NLGN1: variants seen among roughly 807,000 people sequenced by gnomAD.
The protein encoded by NLGN1 is neuroligin-1.
NLGN1 carries 12 observed loss-of-function variants against 65.5 expected under a neutral mutation model. The ratio of observed to expected loss-of-function variants is 0.18; its 90% CI spans 0.12 to 0.30. NLGN1 has a LOEUF of 0.30. NLGN1 is among the 10% of genes least tolerant of loss of function. The pLI, the probability that NLGN1 is intolerant of heterozygous loss-of-function variation, is 1.00. For missense variants in NLGN1, 750 were observed against 1,007.1 expected (o/e 0.74, Z 3.46); for synonymous variants, 350 against 359.5 (o/e 0.97, Z 0.30).
chr3:173,991,794 G>GTTGT (rs1305003290), intron 4 of NLGN1, among the ~76,000 whole-genome samples: 2 of 151,842 alleles, frequency 1.3e-5, no homozygotes, highest in African/African-American at 4.8e-5. Flanking sequence ...GAGAACTTGT[G>GTTGT]TTTTTTTGTT....
intron 4 of NLGN1, among the ~76,000 whole-genome samples, chr3:174,054,217 T>A (rs1462377570): frequency 6.6e-6 from 1 of 152,066 alleles, no homozygotes; most frequent in East Asian, 1.9e-4. Context: ...AGTATCTAGC[T>A]TGGAGCTCTG....
At chr3:173,920,957 CAA>C (rs1179288528) in intron 4 of NLGN1, among the ~76,000 whole-genome samples, 3 of 151,792 alleles carry the variant, frequency 2.0e-5, no homozygotes, top group Non-Finnish European at 2.9e-5. Flanking sequence ...TCAAGGAACA[CAA>C]TATAAACAAC....
chr3:173,919,087 C>T lies in NLGN1; in HGVS notation c.646+111255C>T, dbSNP rs1221427810. Reference sequence around the variant, plus strand: ...CCTCTCTCCTTTTCTTACAAGGACTCCTGTGATTATATTGAGTCCACTTGG... The same window carrying T: ...CCTCTCTCCTTTTCTTACAAGGACTTCTGTGATTATATTGAGTCCACTTGG... On this transcript the variant is annotated intron_variant, in intron 4 of 6. Transcript: ENST00000457714. 2.6e-5 allele frequency among the ~76,000 whole-genome samples: 4 copies of T among 152,130 alleles called. No homozygotes were observed. In the South Asian group the frequency reaches 8.3e-4, roughly 32 times the overall value.
chr3:173,901,548 A>G (rs1376050583), intron 4 of NLGN1, among the ~76,000 whole-genome samples: 1 of 151,964 alleles, frequency 6.6e-6, no homozygotes, highest in Non-Finnish European at 1.5e-5. Flanking sequence ...CATATTCTGT[A>G]TGTAAGACTT....
At chr3:173,737,224 T>C (rs1469824261) in intron 3 of NLGN1, among the ~76,000 whole-genome samples, 1 of 82,872 alleles carries the variant, frequency 1.2e-5, no homozygotes, top group African/African-American at 4.9e-5. Context: ...ATATAAAGCC[T>C]CCTCACTAAG....
chr3:174,193,680 C>A (rs541624533), intron 4 of NLGN1, among the ~76,000 whole-genome samples: 1 of 152,168 alleles, frequency 6.6e-6, no homozygotes, highest in Admixed American at 6.5e-5. Context: ...TGCAGATGGC[C>A]ATATGGGAAA....
intron 4 of NLGN1, among the ~76,000 whole-genome samples, chr3:173,901,379 G>A (rs1737353821): frequency 6.7e-6 from 1 of 149,152 alleles, no homozygotes; most frequent in Admixed American, 6.9e-5. Context: ...GGGTGTGTGT[G>A]TGTGTGTTTA....
rs923812962 is a variant in NLGN1 at position 173,418,886 on chromosome 3, A to G, written c.-389-16124A>G. On this transcript the variant is annotated intron_variant, in intron 1 of 6. Coordinates refer to ENST00000457714, the Ensembl canonical transcript of NLGN1. ...TAAGGATCTAAACCAAACTTGTCCA[A>G]CTCACAGGCCCTGGGCCACATGGGG... is the stretch of plus-strand genomic sequence containing the variant. 5.3e-5 allele frequency among the ~76,000 whole-genome samples: 8 copies of G among 151,302 alleles called. 1 individual carries two copies. Among genetic ancestry groups the G allele is most frequent in the Non-Finnish European group, 1.2e-4 (8 of 67,874 alleles).
At chr3:173,552,881 A>G (rs940256726) in intron 2 of NLGN1, among the ~76,000 whole-genome samples, 1 of 152,200 alleles carries the variant, frequency 6.6e-6, no homozygotes, top group African/African-American at 2.4e-5. Context: ...AAAACATGCT[A>G]TATTTTTGAA....
intron 4 of NLGN1, among the ~76,000 whole-genome samples, chr3:173,964,895 T>C (rs1189269737): frequency 6.6e-6 from 1 of 152,196 alleles, no homozygotes; most frequent in African/African-American, 2.4e-5. Flanking sequence ...CATGGATCAG[T>C]AAGGAGATCT....
intron 1 of NLGN1, among the ~76,000 whole-genome samples, chr3:173,417,578 A>G (rs1357056720): frequency 6.6e-6 from 1 of 151,928 alleles, no homozygotes; most frequent in Non-Finnish European, 1.5e-5. Context: ...TCAGACACTA[A>G]TAGGAATTAT....
At chr3:174,166,591 T>G (rs969206925) in intron 4 of NLGN1, among the ~76,000 whole-genome samples, 7 of 152,144 alleles carry the variant, frequency 4.6e-5, no homozygotes, top group African/African-American at 1.7e-4. Flanking sequence ...AGGCTTGCTT[T>G]ATGGACAAAT....
intron 1 of NLGN1, among the ~76,000 whole-genome samples, chr3:173,402,505 A>C (rs902676375): frequency 2.0e-5 from 3 of 152,184 alleles, no homozygotes; most frequent in Non-Finnish European, 4.4e-5. Flanking sequence ...CAAAAAGTAC[A>C]TTCATTATCT....
chr3:173,655,958 A>T (rs1317225084), intron 3 of NLGN1, among the ~76,000 whole-genome samples: 1 of 152,152 alleles, frequency 6.6e-6, no homozygotes, highest in African/African-American at 2.4e-5. Context: ...TACACTCCAC[A>T]GAGTGGCAGT....
At chr3:174,162,661 A>G (rs1486281128) in intron 4 of NLGN1, among the ~76,000 whole-genome samples, 1 of 151,690 alleles carries the variant, frequency 6.6e-6, no homozygotes, top group Non-Finnish European at 1.5e-5. Context: ...CCTCAATTAG[A>G]GAATGACTAT....
At chr3:174,114,128 A>T (rs1048616086) in intron 4 of NLGN1, among the ~76,000 whole-genome samples, 4 of 152,188 alleles carry the variant, frequency 2.6e-5, no homozygotes, top group Non-Finnish European at 5.9e-5. Flanking sequence ...TGTGACAGAA[A>T]TATATTTCCT....
In NLGN1 at chr3:174,016,416, A is replaced by G. The variant is rs181385727; in HGVS notation, c.646+208584A>G. Among the ~76,000 whole-genome samples the G allele has an allele frequency of 3.3e-5, 5 of 152,332 alleles. No individual in the cohort carries two copies. The East Asian group carries it at 7.7e-4, about 24-fold the overall frequency. ...CATGGCTGATTCACACAGCATTGCA[A>G]TGAAAGAATAAGTACATCTCGGAAA... is the stretch of plus-strand genomic sequence containing the variant. On this transcript the variant is annotated intron_variant, in intron 4 of 6. Coordinates refer to ENST00000457714, the Ensembl canonical transcript of NLGN1.
chr3:173,587,058 A>G (rs1747579497), intron 2 of NLGN1, among the ~76,000 whole-genome samples: 1 of 152,222 alleles, frequency 6.6e-6, no homozygotes, highest in African/African-American at 2.4e-5. Flanking sequence ...AAATAGATAG[A>G]TAATTTGAAA....
At chr3:173,544,259 CGTGT>C (rs3980148) in intron 2 of NLGN1, among the ~76,000 whole-genome samples, 1,674 of 144,212 alleles carry the variant, frequency 0.012, 15 homozygotes, top group Middle Eastern at 0.021. Flanking sequence ...GATTATATTA[CGTGT>C]GTGTGTGTGT....
Sources: gnomAD v4.1 joint callset for allele counts (sites outside exome capture counted in the v4.1 genomes callset) on GRCh38, gnomAD v4.1.1 for gene constraint, MANE v1.5 for transcripts, NCBI Gene and HGNC (gene_info 2026-07-23, HGNC 2026-07-21) for gene names.